Variants in CYP7B1 observed in about 807,000 individuals in gnomAD.
CYP7B1 encodes the protein cytochrome P450 family 7 subfamily B member 1, also known as cytochrome P450 7B1.
A neutral mutation model predicts 42.7 loss-of-function variants in CYP7B1; 29 were observed. That is an observed-to-expected ratio of 0.68 (90% CI 0.51 to 0.93). The LOEUF (loss-of-function observed/expected upper bound fraction) is 0.93, where lower values mean the gene tolerates loss of function less well. CYP7B1 is among the 40% of genes least tolerant of loss of function. The pLI, the probability that CYP7B1 is intolerant of heterozygous loss-of-function variation, is 0.00. For synonymous variants in CYP7B1, 235 were observed against 218.2 expected, an observed-to-expected ratio of 1.08 and a Z score of -0.68; for missense variants, 655 against 600.5, an observed-to-expected ratio of 1.09 and a Z score of -0.95.
At chr8:64,735,854 C>T (rs2129633174) in intron 1 of CYP7B1, among the ~76,000 whole-genome samples, 1 of 152,270 alleles carries the variant, frequency 6.6e-6, no homozygotes, top group East Asian at 1.9e-4. Context: ...TCTGTCTCCA[C>T]AGTGCCTGAT....
At chr8:64,716,095 T>C (rs992319481) in intron 1 of CYP7B1, among the ~76,000 whole-genome samples, 16 of 152,258 alleles carry the variant, frequency 1.1e-4, no homozygotes, top group Non-Finnish European at 1.5e-5. Flanking sequence ...TTAAAGCTTA[T>C]GTTTTGCGTT....
At chr8:64,729,597 T>C (rs1276688164) in intron 1 of CYP7B1, among the ~76,000 whole-genome samples, 2 of 152,224 alleles carry the variant, frequency 1.3e-5, no homozygotes, top group Non-Finnish European at 2.9e-5. Flanking sequence ...CAGCATAGTG[T>C]AATTTAAAAC....
chr8:64,777,005 G>A (rs1489949670), intron 1 of CYP7B1, among the ~76,000 whole-genome samples: 1 of 151,980 alleles, frequency 6.6e-6, no homozygotes, highest in African/African-American at 2.4e-5. Context: ...ATTTCTGAAG[G>A]GTCCTGTGTC....
chr8:64,674,096 G>A (rs549491942), intron 1 of CYP7B1, among the ~76,000 whole-genome samples: 11 of 152,066 alleles, frequency 7.2e-5, no homozygotes, highest in East Asian at 1.9e-4. Flanking sequence ...GTGAATGATC[G>A]ACACTAATGG....
chr8:64,716,664 G>A (rs564595037), intron 1 of CYP7B1, among the ~76,000 whole-genome samples: 50 of 152,194 alleles, frequency 3.3e-4, no homozygotes, highest in African/African-American at 1.1e-3. Context: ...CCAAGATCAC[G>A]CCACTGCACT....
Position 64,594,128 on chromosome 8 carries a change from G to T in CYP7B1, c.*2514C>A, listed in dbSNP as rs1442896326. On this transcript the variant is annotated 3_prime_UTR_variant, in exon 6 of 6. Coordinates refer to ENST00000310193, the MANE Select transcript of CYP7B1 (RefSeq NM_004820.5). ...GTGTATGTGGGGGGTGGGTGGTGGGGCTTGGGGACAAGGCATTTAGCAGCC... is the reference window on the plus strand; with the variant it reads ...GTGTATGTGGGGGGTGGGTGGTGGGTCTTGGGGACAAGGCATTTAGCAGCC... Among the ~76,000 whole-genome samples, 2 of 152,036 alleles carry T rather than the reference G, an allele frequency of 1.3e-5. No homozygotes were observed. Among genetic ancestry groups the T allele is most frequent in the Non-Finnish European group, 2.9e-5 (2 of 67,982 alleles).
At chr8:64,672,880 T>C (rs1260334442) in intron 1 of CYP7B1, among the ~76,000 whole-genome samples, 1 of 152,162 alleles carries the variant, frequency 6.6e-6, no homozygotes. Context: ...TGGTTTGTTC[T>C]TTTCCAGGAT....
At chr8:64,771,800 G>A (rs1414984336) in intron 1 of CYP7B1, among the ~76,000 whole-genome samples, 1 of 152,222 alleles carries the variant, frequency 6.6e-6, no homozygotes, top group Admixed American at 6.5e-5. Flanking sequence ...AACTCCATTA[G>A]CACAATCCTC....
chr8:64,744,324 A>C (rs1159291516), intron 1 of CYP7B1, among the ~76,000 whole-genome samples: 2 of 152,184 alleles, frequency 1.3e-5, no homozygotes, highest in African/African-American at 4.8e-5. Context: ...TCAAGAAAAA[A>C]TCAAGAGATT....
At chr8:64,737,773 G>A (rs903300024) in intron 1 of CYP7B1, among the ~76,000 whole-genome samples, 1 of 151,990 alleles carries the variant, frequency 6.6e-6, no homozygotes, top group African/African-American at 2.4e-5. Flanking sequence ...TTTTTCTTCT[G>A]ACTTGTGTTT....
chr8:64,636,804 G>A (rs1228919207), intron 1 of CYP7B1, among the ~76,000 whole-genome samples: 6 of 152,122 alleles, frequency 3.9e-5, no homozygotes, highest in African/African-American at 1.4e-4. Flanking sequence ...ATGTTTCAAC[G>A]GCCTAGACAA....
At chr8:64,784,393 T>C (rs1343586876) in intron 1 of CYP7B1, among the ~76,000 whole-genome samples, 1 of 152,218 alleles carries the variant, frequency 6.6e-6, no homozygotes, top group Non-Finnish European at 1.5e-5. Context: ...ACTACTGATA[T>C]ATTTTTCAGT....
At chr8:64,748,630 C>T (rs942545538) in intron 1 of CYP7B1, among the ~76,000 whole-genome samples, 2 of 152,178 alleles carry the variant, frequency 1.3e-5, no homozygotes, top group East Asian at 1.9e-4. Flanking sequence ...CTTTCCCCTA[C>T]CATCCAGTGA....
intron 1 of CYP7B1, among the ~76,000 whole-genome samples, chr8:64,731,456 G>A (rs998624433): frequency 1.3e-5 from 2 of 152,152 alleles, no homozygotes; most frequent in Non-Finnish European, 2.9e-5. Flanking sequence ...GAATTTGAGA[G>A]AGATGATTTA....
At chr8:64,602,697 A>C (rs1805220393) in intron 5 of CYP7B1, among the ~76,000 whole-genome samples, 1 of 152,230 alleles carries the variant, frequency 6.6e-6, no homozygotes, top group Non-Finnish European at 1.5e-5. Context: ...TGTTCTCAGC[A>C]ACAAATGGCT....
rs1420818581 is a variant in CYP7B1 at position 64,604,779 on chromosome 8, C to G, written c.1136G>C (p.Ser379Thr). ...IRFVEEDLTL[S>T]SETGDYCVRK... The stretch of plus-strand genomic sequence containing the variant: ...CACACAGTAGTCCCCGGTCTCTGAA[C>G]TGAGAGTCAAATCCTCCTCAACAAA... Residue 379 changes from serine to threonine, a missense_variant, in exon 5 of 6, where the codon AGT (serine) becomes ACT (threonine). By Grantham distance (58) the Ser-to-Thr change is moderately conservative. Coordinates refer to ENST00000310193, the MANE Select transcript of CYP7B1 (RefSeq NM_004820.5). The G allele has an allele frequency of 6.2e-7, 1 of 1,614,150 alleles. No individual in the cohort carries two copies. Among genetic ancestry groups the G allele is most frequent in the African/African-American group, 1.3e-5 (1 of 75,016 alleles).
intron 1 of CYP7B1, among the ~76,000 whole-genome samples, chr8:64,744,394 T>C (rs1201425201): frequency 3.3e-5 from 5 of 152,060 alleles, no homozygotes; most frequent in African/African-American, 1.2e-4. Context: ...GCCAACCTAG[T>C]GATGGACAGA....
In CYP7B1 at chr8:64,798,660, T is replaced by G. The variant is rs72554625; in HGVS notation, c.-73A>C. 1.6e-4 allele frequency: 231 copies of G among 1,410,100 alleles called. 6 individuals carry two copies. The East Asian group carries it at 3.7e-3, about 22-fold the overall frequency. 87.3% of individuals were successfully genotyped at this position (1,410,100 alleles called of 1,614,324 possible). A position where few individuals can be genotyped will look rare whatever the true frequency, so the allele number is the denominator to read the frequency against. ...CAGCGCGGTCGGCGACTCTGCAGCC[T>G]GCGGCGGCTTCTCTCGGCGGCGCCC... On this transcript the variant is annotated 5_prime_UTR_variant, in exon 1 of 6. Transcript: ENST00000310193.
chr8:64,784,381 G>A (rs1163949629), intron 1 of CYP7B1, among the ~76,000 whole-genome samples: 3 of 152,132 alleles, frequency 2.0e-5, no homozygotes, highest in African/African-American at 7.2e-5. Context: ...CACTAGTTGA[G>A]AACTACTGAT....
Sources: gnomAD v4.1 joint callset for allele counts (sites outside exome capture counted in the v4.1 genomes callset) on GRCh38, gnomAD v4.1.1 for gene constraint, MANE v1.5 for transcripts, NCBI Gene and HGNC (gene_info 2026-07-23, HGNC 2026-07-21) for gene names.